LYST: variants seen among roughly 807,000 people sequenced by gnomAD.
The protein encoded by LYST is lysosomal trafficking regulator.
Under a neutral mutation model 413.6 loss-of-function variants are expected in LYST, and 192 were observed. That is an observed-to-expected ratio of 0.46 (90% CI 0.41 to 0.52). The LOEUF (loss-of-function observed/expected upper bound fraction) is 0.52. Ranked by LOEUF, LYST falls within the 20% of genes least tolerant of loss-of-function variation. The pLI is 0.00. For missense variants in LYST, 3,815 were observed against 4,499.9 expected, an observed-to-expected ratio of 0.85 and a Z score of 4.35; for synonymous variants, 1,525 against 1,567.3, an observed-to-expected ratio of 0.97 and a Z score of 0.64.
At chr1:235,693,177 C>T (rs746335054) in intron 47 of LYST, among the ~76,000 whole-genome samples, 173 bp downstream of exon 47, 7 of 152,004 alleles carry the variant, frequency 4.6e-5, no homozygotes, top group African/African-American at 9.7e-5. Flanking sequence ...GTCAGCTGGG[C>T]GTGGTGGCAG....
chr1:235,869,017 G>C (rs948054724), upstream of LYST, among the ~76,000 whole-genome samples: 2 of 151,998 alleles, frequency 1.3e-5, no homozygotes, highest in Admixed American at 6.6e-5. Context: ...TTTTAACTAA[G>C]CTACTGCAGT....
Position 235,759,208 on chromosome 1 carries a change from A to G in LYST, c.6645T>C (p.Asp2215=), listed in dbSNP as rs1161483255. The change falls in exon 23 of 53, where the codon GAT becomes GAC. Residue 2215 remains aspartate (D), a synonymous_variant. Transcript: ENST00000389793. ...KQLGAEPRSE[D]DSPGDESCPR... ...GGCAGGACTCATCCCCAGGACTGTC[A>G]TCTTCTGACCTGGGTTCTGCTCCCA... 2 of 1,614,136 alleles carry G rather than the reference A, an allele frequency of 1.2e-6. No homozygotes were observed. The highest frequency in any genetic ancestry group is 1.1e-5 in the South Asian group (1 of 91,082).
intron 16 of LYST, among the ~76,000 whole-genome samples, chr1:235,779,399 T>C (rs971891920): frequency 2.6e-5 from 4 of 152,212 alleles, no homozygotes; most frequent in Non-Finnish European, 5.9e-5. Flanking sequence ...CCAAAAACTA[T>C]TGAGTTAAAG....
chr1:235,879,508 C>T (rs1156814052), intron 1 of LYST, among the ~76,000 whole-genome samples: 1 of 152,172 alleles, frequency 6.6e-6, no homozygotes, highest in Non-Finnish European at 1.5e-5. Flanking sequence ...GTGTGGAGGA[C>T]ACTGTTTGAA....
chr1:235,719,066 TG>T (rs1663099798), intron 40 of LYST, among the ~76,000 whole-genome samples: 1 of 152,212 alleles, frequency 6.6e-6, no homozygotes, highest in South Asian at 2.1e-4. Context: ...TTATCCAGGC[TG>T]GGGTGCAGTG....
In LYST at chr1:235,686,393, A is replaced by G. The variant is rs908225264; in HGVS notation, c.10800+556T>C. On this transcript the variant is annotated intron_variant, in intron 48 of 52. Coordinates refer to ENST00000389793, the MANE Select transcript of LYST (RefSeq NM_000081.4). This position sits in a 1 kb window ranked among gnomAD's most constrained non-coding sequence, Gnocchi z 4.0. ...AAAAACAAAAACAAAACAAAACAAA[A>G]CAAAACCCCCCAAAAACAGTAAATT... Among the ~76,000 whole-genome samples the G allele has an allele frequency of 2.0e-5, 3 of 152,082 alleles. No individual in the cohort carries two copies. The highest frequency in any genetic ancestry group is 2.9e-5 in the Non-Finnish European group (2 of 67,992).
At chr1:235,858,753 C>A (rs771692840) in intron 1 of LYST, among the ~76,000 whole-genome samples, 30 of 152,314 alleles carry the variant, frequency 2.0e-4, no homozygotes, top group East Asian at 7.7e-4. Flanking sequence ...ATCTTCCCTT[C>A]CAATCTCAAT....
intron 50 of LYST, among the ~76,000 whole-genome samples, chr1:235,668,020 G>T (rs1658637703): frequency 6.6e-6 from 1 of 151,970 alleles, no homozygotes; most frequent in African/African-American, 2.4e-5. Context: ...CAATATAAGT[G>T]CTATATAAAT....
chr1:235,869,396 C>T (rs1680830319), upstream of LYST, among the ~76,000 whole-genome samples: 2 of 152,026 alleles, frequency 1.3e-5, no homozygotes, highest in Admixed American at 1.3e-4. Context: ...AGCGTGAACC[C>T]GGGAGGCGGA....
chr1:235,828,231 A>C, intron 3 of LYST: 1 of 840,654 alleles, frequency 1.2e-6, no homozygotes, highest in Non-Finnish European at 1.4e-6. Flanking sequence ...AAATCTGGAG[A>C]GATAGAAAGT....
intron 13 of LYST, among the ~76,000 whole-genome samples, chr1:235,788,172 T>C (rs1263869779): frequency 6.6e-6 from 1 of 152,066 alleles, no homozygotes; most frequent in African/African-American, 2.4e-5. Flanking sequence ...TATTTATTTA[T>C]TTTTTGAGAC....
rs1341099562 is a variant in LYST, at chr1:235,743,996, C to A, written c.8134G>T (p.Gly2712Ter). Residue 2712 changes from glycine to a stop codon, truncating the protein, a stop_gained, in exon 30 of 53, where the codon GGA becomes TGA. Transcript: ENST00000389793. LOFTEE classifies it high-confidence loss of function. ...QKEIFTYLVE[G>*]FKVSIGSSKA... ...TTACTTACAATAGATACTTTGAATC[C>A]TTCTACCAGATATGTAAAAATTTCT... The A allele has an allele frequency of 6.8e-7, 1 of 1,471,874 alleles. No individual in the cohort carries two copies. The highest frequency in any genetic ancestry group is 1.4e-5 in the African/African-American group (1 of 71,968). The allele number at this position is 1,471,874 out of a possible 1,614,324, so 91.2% of individuals were successfully genotyped here.
intron 50 of LYST, among the ~76,000 whole-genome samples, chr1:235,672,593 G>A (rs72761792): frequency 0.095 from 14,429 of 152,148 alleles, 758 homozygotes; most frequent in Middle Eastern, 0.17. Flanking sequence ...TTTCCATATT[G>A]CTTTTCAAAT....
In LYST at chr1:235,852,746, CA is replaced by C. The variant is rs1678688994; in HGVS notation, c.-98+14096del. On this transcript the variant is annotated intron_variant, in intron 1 of 52. Coordinates refer to ENST00000389793, the MANE Select transcript of LYST (RefSeq NM_000081.4). ...TTAAAATGAGAATCCATTCTACAAT[CA>C]ACTTTCAGAGAGTTAAACGATCTCT... is the stretch of plus-strand genomic sequence containing the variant. Among the ~76,000 whole-genome samples the C allele has an allele frequency of 2.0e-5, 3 of 152,272 alleles. No individual in the cohort carries two copies. The East Asian group carries it at 5.8e-4, about 29-fold the overall frequency.
intron 38 of LYST, 81 bp from the exon 39 acceptor site, chr1:235,724,261 CAAAAT>C: frequency 7.9e-7 from 1 of 1,262,346 alleles, no homozygotes. Flanking sequence ...TAAAAAGCAT[CAAAAT>C]AAAACAGAAA....
chr1:235,793,509 A>C lies in LYST; in HGVS notation c.4110T>G (p.Pro1370=), dbSNP rs1431598641. The C allele has an allele frequency of 6.7e-7, 1 of 1,489,278 alleles. No homozygotes were observed. Among genetic ancestry groups the C allele is most frequent in the Non-Finnish European group, 9.3e-7 (1 of 1,070,826 alleles). 92.3% of individuals were successfully genotyped at this position (1,489,278 alleles called of 1,614,324 possible). A position where few individuals can be genotyped will look rare whatever the true frequency, so the allele number is the denominator to read the frequency against. ...LLLRIFLEKS[P]CTKILLLGIL... ...AAAATTATAGCATATTTACTGTACA[A>C]GGAGATTTCTCCAGAAATATTCTCA... The change falls in exon 11 of 53, where the codon CCT becomes CCG. Residue 1370 remains proline (P), a synonymous_variant. Transcript: ENST00000389793.
chr1:235,865,688 T>C (rs2103202177), intron 1 of LYST, among the ~76,000 whole-genome samples: 1 of 152,328 alleles, frequency 6.6e-6, no homozygotes, highest in Admixed American at 6.5e-5. Context: ...AGATACCCCA[T>C]ATTAATCAAC....
At chr1:235,793,699 A>AT in intron 10 of LYST, 87 bp from the exon 11 acceptor site, 1 of 729,888 alleles carries the variant, frequency 1.4e-6, no homozygotes. Context: ...GTAAAATACT[A>AT]TTGTCACTTT....
chr1:235,862,802 AACAAACACACACACACAC>A (rs1397339851), intron 1 of LYST, among the ~76,000 whole-genome samples: 1 of 98,172 alleles, frequency 1.0e-5, no homozygotes, highest in African/African-American at 4.1e-5. Flanking sequence ...TCTCAAAACA[AACAAACACACACACACAC>A]ACACACACAC....
Sources: allele counts gnomAD v4.1 joint callset (sites outside exome capture counted in the v4.1 genomes callset), GRCh38; gene constraint gnomAD v4.1.1; non-coding constraint Gnocchi (gnomAD v3.1); transcripts MANE v1.5; gene names NCBI Gene and HGNC (gene_info 2026-07-23, HGNC 2026-07-21).